The following ITGAE variants were observed in gnomAD, a reference collection of about 807,000 sequenced individuals.
The protein encoded by ITGAE is integrin alpha-E.
Under a neutral mutation model 136.5 loss-of-function variants are expected in ITGAE, and 99 were observed. The ratio of observed to expected loss-of-function variants is 0.73; its 90% CI spans 0.62 to 0.86. The LOEUF (loss-of-function observed/expected upper bound fraction) is 0.86. Among genes scored for constraint, ITGAE ranks in the 40% least tolerant of loss-of-function variants. ITGAE has a pLI of 0.00. For missense variants in ITGAE, 1,447 were observed against 1,515.3 expected (o/e 0.95, Z 0.75); for synonymous variants, 613 against 591.8 (o/e 1.04, Z -0.52).
Position 3,734,956 on chromosome 17 carries a change from A to G in ITGAE, c.2523-7T>C, listed in dbSNP as rs1597314007. The G allele has an allele frequency of 6.2e-7, 1 of 1,614,108 alleles. No individual in the cohort carries two copies. Among genetic ancestry groups the G allele is most frequent in the Non-Finnish European group, 8.5e-7 (1 of 1,179,972 alleles). On this transcript the variant is annotated splice_region_variant and splice_polypyrimidine_tract_variant and intron_variant, in intron 20 of 30. Transcript: ENST00000263087. ...ACCCACCACCAACTCCTGCCTGCAC[A>G]GGGTACAGATAAAAATGTTACAGTT...
chr17:3,754,824 C>T (rs2051962838), intron 12 of ITGAE: 3 of 432,076 alleles, frequency 6.9e-6, no homozygotes, highest in Non-Finnish European at 8.4e-6. Flanking sequence ...GTCTCCAGGC[C>T]CCACCCTCCT....
chr17:3,753,958 C>G (rs907320039), intron 12 of ITGAE, 33 bp from the exon 13 acceptor site: 6 of 1,603,260 alleles, frequency 3.7e-6, no homozygotes, highest in Non-Finnish European at 5.1e-6. Flanking sequence ...GTGAACACAC[C>G]GTGTGCTCCC....
rs893401861 is a variant in ITGAE at position 3,799,939 on chromosome 17, T to C, written c.34+1172A>G. Among the ~76,000 whole-genome samples, 2 of 152,018 alleles carry C rather than the reference T, an allele frequency of 1.3e-5. No individual in the cohort carries two copies. Among genetic ancestry groups the C allele is most frequent in the Non-Finnish European group, 2.9e-5 (2 of 67,996 alleles). ...CAGGAGACCAGCCTGACCAATATGG[T>C]GAGACCCTGTCTCTACTAAAAATAC... On this transcript the variant is annotated intron_variant, in intron 1 of 30. Transcript: ENST00000263087. This position sits in a 1 kb window ranked among gnomAD's most constrained non-coding sequence, Gnocchi z 4.1.
At chr17:3,762,128 C>G in intron 3 of ITGAE, 146 bp from the exon 4 acceptor site, 2 of 663,162 alleles carry the variant, frequency 3.0e-6, no homozygotes, top group Non-Finnish European at 2.6e-6. Context: ...AAAGCTAGAG[C>G]GGGGGCCTTC....
At chr17:3,746,843 G>A (rs929467401) in intron 17 of ITGAE, among the ~76,000 whole-genome samples, 7 of 152,066 alleles carry the variant, frequency 4.6e-5, no homozygotes, top group African/African-American at 9.7e-5. Context: ...TGCCCACCTC[G>A]GCCTCCCAAA....
chr17:3,783,674 A>G (rs2052714938), intron 1 of ITGAE, among the ~76,000 whole-genome samples: 1 of 152,158 alleles, frequency 6.6e-6, no homozygotes, highest in Non-Finnish European at 1.5e-5. Flanking sequence ...ATTTTTTCCA[A>G]TTAATGGCTG....
chr17:3,741,024 GCTCT>G (rs1369135257), intron 19 of ITGAE, among the ~76,000 whole-genome samples: 1 of 151,508 alleles, frequency 6.6e-6, no homozygotes, highest in Non-Finnish European at 1.5e-5. Flanking sequence ...AAAGCGTGGC[GCTCT>G]CTCTAAGTGG....
rs576926338 is a variant in ITGAE, at chr17:3,796,021, G to A, written c.34+5090C>T. Among the ~76,000 whole-genome samples, 14 of 133,270 alleles carry A rather than the reference G, an allele frequency of 1.1e-4. No homozygotes were observed. The South Asian group carries it at 3.0e-3, about 29-fold the overall frequency. The allele number at this position is 133,270 out of a possible 152,430, so 87.4% of individuals were successfully genotyped here. A position where few individuals can be genotyped will look rare whatever the true frequency, so the allele number is the denominator to read the frequency against. Reference sequence around the variant, plus strand: ...TGCATCCGTGTGTGCATCCATGTGCGCGTGTGTGCGTGTGCATCCGTGTGT... The same window carrying A: ...TGCATCCGTGTGTGCATCCATGTGCACGTGTGTGCGTGTGCATCCGTGTGT... On this transcript the variant is annotated intron_variant, in intron 1 of 30. Transcript: ENST00000263087.
At chr17:3,757,163 A>G in intron 9 of ITGAE, 29 bp from the exon 10 acceptor site, 1 of 1,608,098 alleles carries the variant, frequency 6.2e-7, no homozygotes, top group Non-Finnish European at 8.5e-7. Context: ...TCAGCGAGTC[A>G]GCGCTGCGTG....
chr17:3,797,611 C>A (rs182038615), intron 1 of ITGAE, among the ~76,000 whole-genome samples: 9 of 152,102 alleles, frequency 5.9e-5, no homozygotes, highest in African/African-American at 2.2e-4. Flanking sequence ...CAGGTGCGCA[C>A]CACCATGCCT....
At chr17:3,760,370 T>C in intron 6 of ITGAE, 83 bp from the exon 7 acceptor site, 1 of 546,934 alleles carries the variant, frequency 1.8e-6, no homozygotes, top group East Asian at 4.0e-5. Flanking sequence ...GCACCCCCAC[T>C]GCAGCCCTGA....
intron 1 of ITGAE, among the ~76,000 whole-genome samples, chr17:3,793,060 C>CT (rs887165166): frequency 1.5e-4 from 22 of 148,162 alleles, no homozygotes; most frequent in African/African-American, 2.5e-4. Context: ...TTTCTTTTTT[C>CT]TTTTTTTTTT....
intron 10 of ITGAE, 65 bp downstream of exon 10, chr17:3,756,919 G>C: frequency 6.5e-7 from 1 of 1,537,192 alleles, no homozygotes. Flanking sequence ...ATGAAGATGG[G>C]ACAGAGGCCG....
chr17:3,747,386 C>G (rs2051741712), intron 17 of ITGAE, among the ~76,000 whole-genome samples: 1 of 152,022 alleles, frequency 6.6e-6, no homozygotes, highest in Admixed American at 6.6e-5. Flanking sequence ...GGTGCGATCT[C>G]AGCTCACTGC....
chr17:3,737,027 C>T (rs2143012824), intron 20 of ITGAE, among the ~76,000 whole-genome samples: 1 of 152,190 alleles, frequency 6.6e-6, no homozygotes, highest in East Asian at 1.9e-4. Context: ...GACACGGTGG[C>T]TCACGCCTGT....
intron 2 of ITGAE, among the ~76,000 whole-genome samples, chr17:3,766,223 C>G (rs1212664244): frequency 6.6e-6 from 1 of 152,102 alleles, no homozygotes; most frequent in African/African-American, 2.4e-5. Flanking sequence ...CCCAAGGAGG[C>G]CTCTCCCATC....
chr17:3,728,495 C>A, intron 24 of ITGAE: 1 of 213,502 alleles, frequency 4.7e-6, no homozygotes, highest in South Asian at 8.4e-5. Flanking sequence ...TGCCTAAGCC[C>A]CCAAGTAGCT....
At chr17:3,737,276 G>T (rs1013121987) in intron 20 of ITGAE, among the ~76,000 whole-genome samples, 1 of 152,180 alleles carries the variant, frequency 6.6e-6, no homozygotes, top group African/African-American at 2.4e-5. Flanking sequence ...CTGGGTGACA[G>T]AGTGAGACCC....
At chr17:3,719,976 T>A (rs947749736) in intron 29 of ITGAE, among the ~76,000 whole-genome samples, 2 of 152,206 alleles carry the variant, frequency 1.3e-5, no homozygotes, top group East Asian at 3.8e-4. Flanking sequence ...TCCACCTGTC[T>A]CGGCCTCCCA....
Sources: allele counts gnomAD v4.1 joint callset (sites outside exome capture counted in the v4.1 genomes callset), GRCh38; gene constraint gnomAD v4.1.1; non-coding constraint Gnocchi (gnomAD v3.1); transcripts MANE v1.5; gene names NCBI Gene and HGNC (gene_info 2026-07-23, HGNC 2026-07-21).